The following SLC28A3 variants were observed in gnomAD, a reference collection of about 807,000 sequenced individuals.
SLC28A3 encodes the protein concentrative Na(+)-nucleoside cotransporter 3.
Under a neutral mutation model 84.2 loss-of-function variants are expected in SLC28A3, and 68 were observed. The ratio of observed to expected loss-of-function variants is 0.81; its 90% CI spans 0.66 to 0.99. The LOEUF is 0.99. Ranked by LOEUF, SLC28A3 falls within the 50% of genes least tolerant of loss-of-function variation. SLC28A3 has a pLI of 0.00. For missense variants in SLC28A3, 712 were observed against 841.5 expected, an observed-to-expected ratio of 0.85 and a Z score of 1.90; for synonymous variants, 267 against 303.6, an observed-to-expected ratio of 0.88 and a Z score of 1.25.
chr9:84,281,134 A>C (rs1824732776), intron 14 of SLC28A3, among the ~76,000 whole-genome samples: 1 of 152,204 alleles, frequency 6.6e-6, no homozygotes, highest in Non-Finnish European at 1.5e-5. Flanking sequence ...TGGCTTCTAC[A>C]AATGCTGCTT....
chr9:84,348,074 T>A, the SLC28A3 span, among the ~76,000 whole-genome samples: 1 of 152,138 alleles, frequency 6.6e-6, no homozygotes, highest in Non-Finnish European at 1.5e-5. Flanking sequence ...GGGTTGGCAC[T>A]TGAAAATAAA....
chr9:84,328,277 C>T (rs1431921872), intron 1 of SLC28A3, among the ~76,000 whole-genome samples: 2 of 149,160 alleles, frequency 1.3e-5, no homozygotes, highest in South Asian at 2.1e-4. Flanking sequence ...AATTAAAAGG[C>T]AGAGATTTGA....
At chr9:84,340,834 G>C (rs939205369), upstream of SLC28A3, among the ~76,000 whole-genome samples, 1 of 152,118 alleles carries the variant, frequency 6.6e-6, no homozygotes, top group Non-Finnish European at 1.5e-5. Flanking sequence ...CGGGCGGGTT[G>C]GCGGGGTGGA....
intron 14 of SLC28A3, 68 bp downstream of exon 14, chr9:84,285,277 G>T: frequency 6.8e-7 from 1 of 1,471,788 alleles, no homozygotes; most frequent in African/African-American, 1.4e-5. Flanking sequence ...ACACACAGAG[G>T]CATAAGTAAT....
chr9:84,335,712 CGTGT>C (rs56259271), intron 1 of SLC28A3, among the ~76,000 whole-genome samples: 8,943 of 148,892 alleles, frequency 0.06, 294 homozygotes, highest in Non-Finnish European at 0.076. Flanking sequence ...TATGTATATA[CGTGT>C]GTGTGTGTGT....
chr9:84,297,233 G>A lies in SLC28A3; in HGVS notation c.849C>T (p.Phe283=), dbSNP rs1364358838. The change falls in exon 8 of 18, where the codon TTC becomes TTT. Residue 283 remains phenylalanine (F), a synonymous_variant. Transcript: ENST00000376238. ...GGTTTGACTTTACCTTAAATGCAAA[G>A]AAGTGGTCTTTGTATTTCTCACCAA... ...FVFGEKYKDH[F]FAFKVLPIVV... The A allele has an allele frequency of 3.7e-6, 6 of 1,613,228 alleles. No homozygotes were observed. Among genetic ancestry groups the A allele is most frequent in the Non-Finnish European group, 5.1e-6 (6 of 1,179,748 alleles).
intron 8 of SLC28A3, among the ~76,000 whole-genome samples, chr9:84,296,490 A>G (rs934151053): frequency 1.3e-5 from 2 of 152,184 alleles, no homozygotes; most frequent in African/African-American, 4.8e-5. Flanking sequence ...ACACACCACA[A>G]AAAAAGAAAG....
intron 12 of SLC28A3, among the ~76,000 whole-genome samples, chr9:84,286,886 C>T (rs1235338575): frequency 1.3e-5 from 2 of 152,080 alleles, no homozygotes; most frequent in Non-Finnish European, 2.9e-5. Context: ...TACAGTTTTC[C>T]TACATGTCTG....
chr9:84,364,101 C>CA, the SLC28A3 span, among the ~76,000 whole-genome samples: 2 of 140,564 alleles, frequency 1.4e-5, no homozygotes, highest in Middle Eastern at 3.4e-3. Flanking sequence ...CTTTGTGTTA[C>CA]AAAAAATCCA....
At chr9:84,312,485 T>C (rs1299689020) in intron 2 of SLC28A3, among the ~76,000 whole-genome samples, 1 of 152,142 alleles carries the variant, frequency 6.6e-6, no homozygotes, top group East Asian at 1.9e-4. Context: ...AAAAAGTGAT[T>C]CTTTTACCAC....
chr9:84,280,659 G>C, intron 15 of SLC28A3, 142 bp downstream of exon 15: 3 of 771,642 alleles, frequency 3.9e-6, no homozygotes, highest in Non-Finnish European at 6.2e-6. Context: ...TTGCAGACTA[G>C]AGATTAAAAA....
chr9:84,351,440 C>T, the SLC28A3 span, among the ~76,000 whole-genome samples: 1 of 152,136 alleles, frequency 6.6e-6, no homozygotes, highest in Non-Finnish European at 1.5e-5. Context: ...GGGCTGATTG[C>T]TTGAGCCCAG....
chr9:84,320,978 A>AT (rs908428731), intron 1 of SLC28A3, among the ~76,000 whole-genome samples: 2 of 151,666 alleles, frequency 1.3e-5, no homozygotes, highest in African/African-American at 4.9e-5. Context: ...AAAGAAAAAA[A>AT]AAAAAAAGAA....
At chr9:84,299,750 T>G in intron 5 of SLC28A3, 25 bp from the exon 6 acceptor site, 3 of 1,557,676 alleles carry the variant, frequency 1.9e-6, no homozygotes, top group Non-Finnish European at 2.6e-6. Flanking sequence ...AAGGAGGCAT[T>G]GGCATCATTT....
At chr9:84,320,534 C>T (rs1826340659) in intron 1 of SLC28A3, among the ~76,000 whole-genome samples, 1 of 152,176 alleles carries the variant, frequency 6.6e-6, no homozygotes, top group Non-Finnish European at 1.5e-5. Context: ...GTTCCTCCTT[C>T]CTTTCCTGTG....
Position 84,297,309 on chromosome 9 carries a change from G to A in SLC28A3, c.784-11C>T, listed in dbSNP as rs752246606. 2 of 1,602,384 alleles carry A rather than the reference G, an allele frequency of 1.2e-6. No individual in the cohort carries two copies. The highest frequency in any genetic ancestry group is 2.2e-5 in the East Asian group (1 of 44,808). On this transcript the variant is annotated splice_polypyrimidine_tract_variant and intron_variant, in intron 7 of 17. Coordinates refer to ENST00000376238, the MANE Select transcript of SLC28A3 (RefSeq NM_001199633.2). Reference sequence around the variant, plus strand: ...GTACTCCAGAAAAGTCTGAGTTAAAGAAAGAAAAAGAGATTTCATTCCAAC... The same window carrying A: ...GTACTCCAGAAAAGTCTGAGTTAAAAAAAGAAAAAGAGATTTCATTCCAAC...
At chr9:84,294,116 T>C in intron 9 of SLC28A3, 79 bp downstream of exon 9, 1 of 1,299,122 alleles carries the variant, frequency 7.7e-7, no homozygotes, top group South Asian at 1.4e-5. Context: ...CGTAAATACC[T>C]GCATAAAAGG....
At chr9:84,317,002 A>AAAAAACAAC (rs1554728279) in intron 1 of SLC28A3, among the ~76,000 whole-genome samples, 22 of 150,276 alleles carry the variant, frequency 1.5e-4, no homozygotes, top group African/African-American at 5.4e-4. Context: ...CTCCGTCTCA[A>AAAAAACAAC]AACAACAACA....
At chr9:84,368,155 C>T in the SLC28A3 span, among the ~76,000 whole-genome samples, 8 of 152,100 alleles carry the variant, frequency 5.3e-5, no homozygotes, top group Admixed American at 4.6e-4. Flanking sequence ...CACAGTGCAT[C>T]GTGTCCCTGG....
Sources: allele counts gnomAD v4.1 joint callset (sites outside exome capture counted in the v4.1 genomes callset), GRCh38; gene constraint gnomAD v4.1.1; transcripts MANE v1.5; gene names NCBI Gene and HGNC (gene_info 2026-07-23, HGNC 2026-07-21).